Variants in OCRL observed in about 807,000 individuals in gnomAD.
OCRL encodes inositol polyphosphate 5-phosphatase OCRL.
Under a neutral mutation model 78.9 loss-of-function variants are expected in OCRL, and 8 were observed. That is an observed-to-expected ratio of 0.10 (90% CI 0.06 to 0.18). The LOEUF is 0.18. Among genes scored for constraint, OCRL ranks in the 10% least tolerant of loss-of-function variants. The pLI is 1.00. For missense variants in OCRL, 454 were observed against 696.7 expected (o/e 0.65, Z 3.92); for synonymous variants, 240 against 235.4 (o/e 1.02, Z -0.18).
rs1936569116 is a variant in OCRL at position 129,590,165 on chromosome X, T to C, written c.2601T>C (p.Leu867=). 1.7e-6 allele frequency: 2 copies of C among 1,209,326 alleles called. No individual in the cohort carries two copies. The highest frequency in any genetic ancestry group is 1.8e-5 in the South Asian group (1 of 56,760). The change falls in exon 24 of 24, where the codon CTT becomes CTC. Residue 867 remains leucine, a synonymous_variant. Transcript: ENST00000371113. ...TTGTAGCTACTCTCTTCACTAGTCT[T>C]CTCCTGAGGCCTCCACCCAACCTTA... ...ANMIATLFTS[L]LLRPPPNLMA... is the part of the protein sequence containing the mutation.
chrX:129,573,767 CT>C (rs905628439), intron 15 of OCRL, among the ~76,000 whole-genome samples: 19 of 110,919 alleles, frequency 1.7e-4, no homozygotes, highest in African/African-American at 6.2e-4. Flanking sequence ...ACCGTGTTGG[CT>C]GGGGTGGTTT....
At chrX:129,542,892 C>A (rs1246174501) in intron 2 of OCRL, among the ~76,000 whole-genome samples, 1 of 111,995 alleles carries the variant, frequency 8.9e-6, no homozygotes, top group African/African-American at 3.2e-5. Context: ...TGACTTAAAT[C>A]TTTAGGTCTG....
chrX:129,541,045 C>T (rs1169623643), intron 2 of OCRL, among the ~76,000 whole-genome samples: 2 of 111,905 alleles, frequency 1.8e-5, no homozygotes, highest in African/African-American at 3.3e-5. Context: ...ACTGAATGGG[C>T]GGGGAAGCAG....
Position 129,591,732 on chromosome X carries a change from G to GT in OCRL, c.*1463dup, listed in dbSNP as rs760512962. On this transcript the variant is annotated 3_prime_UTR_variant, in exon 24 of 24. Coordinates refer to ENST00000371113, the MANE Select transcript of OCRL (RefSeq NM_000276.4). Reference sequence around the variant, plus strand: ...TGATTTCTCCTGTTTCTTGGTGGGGGTGGGGGGGAAGGTACGTATTCTGCA... The same window carrying GT: ...TGATTTCTCCTGTTTCTTGGTGGGGGTTGGGGGGGAAGGTACGTATTCTGCA... 1 of 110,263 alleles carries GT rather than the reference G, an allele frequency of 9.1e-6. No individual in the cohort carries two copies. The highest frequency in any genetic ancestry group is 4.0e-4 in the South Asian group (1 of 2,525). 9.1% of individuals were successfully genotyped at this position (110,263 alleles called of 1,213,427 possible).
intron 12 of OCRL, among the ~76,000 whole-genome samples, chrX:129,565,302 C>T (rs967263669): frequency 9.0e-6 from 1 of 111,655 alleles, no homozygotes; most frequent in Non-Finnish European, 1.9e-5. Flanking sequence ...ACTAGAGAGC[C>T]CTGGACCTAC....
chrX:129,543,897 G>T (rs1288380621), intron 2 of OCRL, among the ~76,000 whole-genome samples: 1 of 112,178 alleles, frequency 8.9e-6, no homozygotes, highest in Non-Finnish European at 1.9e-5. Context: ...TTAGGCTGCA[G>T]ACAAAACTGA....
chrX:129,562,357 C>T, intron 10 of OCRL, 27 bp from the exon 11 acceptor site: 3 of 1,089,199 alleles, frequency 2.8e-6, no homozygotes, highest in Non-Finnish European at 3.8e-6. Flanking sequence ...TTAACATTAA[C>T]CTTTTGTAAC....
In OCRL at chrX:129,588,991, A is replaced by G. The variant is rs766365143; in HGVS notation, c.2447A>G (p.Tyr816Cys). The G allele has an allele frequency of 2.5e-6, 3 of 1,211,716 alleles. No individual in the cohort carries two copies. Among genetic ancestry groups the G allele is most frequent in the South Asian group, 3.5e-5 (2 of 57,008 alleles). The change falls in exon 22 of 24, where the codon TAT (tyrosine) becomes TGT (cysteine). Residue 816 changes from tyrosine to cysteine, a missense_variant. Physicochemically the swap from Tyr to Cys is radical, Grantham distance 194 (BLOSUM62 -2). Transcript: ENST00000371113. ...ELYQRCLDSA[Y>C]DPRICRQVIS... ...TATCAGCGATGTCTTGACTCTGCTT[A>G]TGATCCCCGGATCTGCCGACAGGTG...
intron 19 of OCRL, among the ~76,000 whole-genome samples, chrX:129,586,582 A>G (rs191359344): frequency 1.3e-4 from 15 of 112,368 alleles, no homozygotes. Context: ...TAAGTTAGAA[A>G]TAAACAAAAA....
intron 4 of OCRL, among the ~76,000 whole-genome samples, chrX:129,555,800 T>A (rs185390106): frequency 8.0e-5 from 9 of 112,470 alleles, no homozygotes; most frequent in Non-Finnish European, 1.3e-4. Context: ...TGTGTGTGTG[T>A]GAGAGATAAT....
At chrX:129,567,398 A>G in intron 14 of OCRL, 35 bp downstream of exon 14, 1 of 977,126 alleles carries the variant, frequency 1.0e-6, no homozygotes, top group South Asian at 2.0e-5. Flanking sequence ...AGAGAAGGTT[A>G]AGGCTTGATC....
At chrX:129,586,248 T>C (rs1294709787) in intron 19 of OCRL, among the ~76,000 whole-genome samples, 1 of 112,229 alleles carries the variant, frequency 8.9e-6, no homozygotes, top group Non-Finnish European at 1.9e-5. Context: ...ATATAACAGA[T>C]AGTAGAAAGA....
intron 2 of OCRL, among the ~76,000 whole-genome samples, chrX:129,542,472 CTAACATATAACTAACAACTAA>C: frequency 9.1e-6 from 1 of 109,808 alleles, no homozygotes; most frequent in African/African-American, 3.3e-5. Flanking sequence ...TATATATAAA[CTAACATATAACTAACAACTAA>C]TATAGTTGTT....
Position 129,558,827 on chromosome X carries a change from A to G in OCRL, c.561-13A>G, listed in dbSNP as rs773509037. On this transcript the variant is annotated splice_polypyrimidine_tract_variant and intron_variant, in intron 7 of 23. Transcript: ENST00000371113. ...AAACAATTTTACTTTTGAATCTCTC[A>G]TTTATTTGCTAGGCTTCCACGTGAA... 2.5e-6 allele frequency: 3 copies of G among 1,212,084 alleles called. No individual in the cohort carries two copies. The Admixed American group carries it at 6.5e-5, about 26-fold the overall frequency.
intron 4 of OCRL, among the ~76,000 whole-genome samples, chrX:129,551,767 G>A (rs1341562924): frequency 8.9e-6 from 1 of 112,655 alleles, no homozygotes; most frequent in African/African-American, 3.2e-5. Context: ...TGCTCTTGAG[G>A]AAAAGTACTA....
At chrX:129,566,443 G>C (rs1936217424) in intron 13 of OCRL, among the ~76,000 whole-genome samples, 1 of 112,442 alleles carries the variant, frequency 8.9e-6, no homozygotes, top group Non-Finnish European at 1.9e-5. Context: ...CATTGAGTTG[G>C]TAACATTTAC....
At position 129,561,110 on chromosome X, in the gene OCRL, A is replaced by C. The variant is rs141144205; in HGVS notation, c.825-69A>C. ...TCTTTTTTTCATCTAATGTTTCAAC[A>C]TATGGGACAGGAGGTAGCCAGAGAT... On this transcript the variant is annotated intron_variant, in intron 9 of 23. Coordinates refer to ENST00000371113, the MANE Select transcript of OCRL (RefSeq NM_000276.4). 3,451 of 693,416 alleles carry C rather than the reference A, an allele frequency of 5.0e-3. 10 individuals are homozygous for C. The highest frequency in any genetic ancestry group is 7.0e-3 in the Non-Finnish European group (2,989 of 425,080). 57.1% of individuals were successfully genotyped at this position (693,416 alleles called of 1,213,427 possible).
intron 9 of OCRL, among the ~76,000 whole-genome samples, 179 bp downstream of exon 9, chrX:129,560,830 G>T (rs1936135726): frequency 8.9e-6 from 1 of 112,703 alleles, no homozygotes; most frequent in Admixed American, 9.4e-5. Flanking sequence ...GTGTAAGGAA[G>T]CATCTAATTT....
At chrX:129,557,683 C>T (rs1371131811) in intron 5 of OCRL, among the ~76,000 whole-genome samples, 178 bp from the exon 6 acceptor site, 1 of 111,650 alleles carries the variant, frequency 9.0e-6, no homozygotes, top group Non-Finnish European at 1.9e-5. Flanking sequence ...GACTATAATT[C>T]TCCTTCTGCC....
Sources: allele counts gnomAD v4.1 joint callset (sites outside exome capture counted in the v4.1 genomes callset), GRCh38; gene constraint gnomAD v4.1.1; transcripts MANE v1.5; gene names NCBI Gene and HGNC (gene_info 2026-07-23, HGNC 2026-07-21).